NEBL: variants seen among roughly 807,000 people sequenced by gnomAD.
The protein encoded by NEBL is LIM and SH3 protein 2.
A neutral mutation model predicts 140.2 loss-of-function variants in NEBL; 122 were observed. That is an observed-to-expected ratio of 0.87 (90% CI 0.75 to 1.01). NEBL has a LOEUF of 1.01. Among genes scored for constraint, NEBL ranks in the 50% least tolerant of loss-of-function variants. The pLI is 0.00. For synonymous variants in NEBL, 436 were observed against 398.9 expected (o/e 1.09, Z -1.11); for missense variants, 1,365 against 1,231.3 (o/e 1.11, Z -1.62).
chr10:20,836,911 G>A (rs1261585141), intron 13 of NEBL, among the ~76,000 whole-genome samples: 2 of 152,124 alleles, frequency 1.3e-5, no homozygotes, highest in Admixed American at 6.5e-5. Flanking sequence ...GTTGGGAGAT[G>A]CCACCAAATG....
At chr10:21,122,920 T>C (rs45581434) in intron 2 of NEBL, among the ~76,000 whole-genome samples, 23 of 152,224 alleles carry the variant, frequency 1.5e-4, no homozygotes, top group Non-Finnish European at 2.8e-4. Flanking sequence ...TCTTCCTAAG[T>C]TCTGTAGGAT....
At chr10:21,103,712 A>G (rs1837580870) in intron 2 of NEBL, among the ~76,000 whole-genome samples, 1 of 143,404 alleles carries the variant, frequency 7.0e-6, no homozygotes, top group Admixed American at 6.8e-5. Context: ...ATATTTTGCA[A>G]ATATTTTCTC....
rs542633939 is a variant in NEBL, at chr10:20,941,144, T to C, written c.357+20528A>G. On this transcript the variant is annotated intron_variant, in intron 4 of 6. Coordinates refer to the NEBL transcript ENST00000417816. ...CAGAGACACAACAAAAAAAGGGAAT[T>C]TTAGACCAATATCCCTGATGAACAT... Among the ~76,000 whole-genome samples the C allele has an allele frequency of 5.8e-3, 888 of 152,274 alleles. 7 individuals carry two copies. The highest frequency in any genetic ancestry group is 9.5e-3 in the Non-Finnish European group (644 of 68,022).
At chr10:20,818,372 A>G (rs543762056) in intron 20 of NEBL, among the ~76,000 whole-genome samples, 14 of 152,258 alleles carry the variant, frequency 9.2e-5, no homozygotes, top group African/African-American at 2.4e-4. Context: ...ACATCTACCA[A>G]CCAGAGAAAC....
chr10:20,889,721 C>A (rs1033001455), intron 3 of NEBL, 124 bp downstream of exon 3: 4 of 705,656 alleles, frequency 5.7e-6, no homozygotes, highest in Non-Finnish European at 7.7e-6. Context: ...AATTATGTAG[C>A]TATTACTAAC....
chr10:21,140,302 A>G (rs920585103), intron 2 of NEBL, among the ~76,000 whole-genome samples: 3 of 152,236 alleles, frequency 2.0e-5, no homozygotes, highest in African/African-American at 7.2e-5. Flanking sequence ...AAACAATATT[A>G]GAATGTCTGG....
upstream of NEBL, among the ~76,000 whole-genome samples, chr10:20,897,876 T>C (rs914222384): frequency 2.0e-5 from 3 of 152,224 alleles, no homozygotes; most frequent in South Asian, 6.2e-4. Flanking sequence ...TAATTATGAC[T>C]GTTAGTATTA....
At chr10:20,874,194 C>T (rs78908479) in intron 5 of NEBL, among the ~76,000 whole-genome samples, 201 of 152,248 alleles carry the variant, frequency 1.3e-3, no homozygotes, top group African/African-American at 4.8e-3. Flanking sequence ...CCTATCTAAT[C>T]CCTTTGTAGT....
intron 3 of NEBL, among the ~76,000 whole-genome samples, chr10:21,209,674 TTC>T (rs1250934565): frequency 2.7e-5 from 4 of 147,510 alleles, no homozygotes; most frequent in African/African-American, 1.1e-4. Context: ...TTTTTTTTTT[TTC>T]TTTTTTTTAC....
At chr10:21,123,405 C>A (rs1040997624) in intron 2 of NEBL, among the ~76,000 whole-genome samples, 1 of 152,138 alleles carries the variant, frequency 6.6e-6, no homozygotes, top group African/African-American at 2.4e-5. Context: ...CATATCTGTA[C>A]AGAGAACTGC....
At chr10:21,278,231 A>T (rs1004064661) in intron 1 of NEBL, among the ~76,000 whole-genome samples, 1 of 152,176 alleles carries the variant, frequency 6.6e-6, no homozygotes, top group African/African-American at 2.4e-5. Context: ...GCTTGAGCCC[A>T]GGAGTTCAAG....
chr10:20,904,559 T>G (rs1564435734), intron 4 of NEBL, among the ~76,000 whole-genome samples: 1 of 152,168 alleles, frequency 6.6e-6, no homozygotes, highest in South Asian at 2.1e-4. Flanking sequence ...CTGTAAAAAT[T>G]TCTAGCATTT....
intron 1 of NEBL, among the ~76,000 whole-genome samples, chr10:21,270,370 T>A (rs1297741292): frequency 8.5e-5 from 4 of 47,328 alleles, no homozygotes; most frequent in Non-Finnish European, 4.2e-5. Context: ...TTTTCCATAT[T>A]TTTTTTTTTT....
At chr10:20,999,745 C>A (rs1837812978) in intron 3 of NEBL, among the ~76,000 whole-genome samples, 1 of 152,222 alleles carries the variant, frequency 6.6e-6, no homozygotes, top group African/African-American at 2.4e-5. Flanking sequence ...GCTCCATGTT[C>A]TCTTACAACC....
chr10:21,049,384 C>G (rs1834665537), intron 2 of NEBL, among the ~76,000 whole-genome samples: 1 of 152,170 alleles, frequency 6.6e-6, no homozygotes, highest in Non-Finnish European at 1.5e-5. Flanking sequence ...TTTATCAATT[C>G]ATTGTAGATT....
chr10:20,929,022 T>G (rs1834045275), intron 4 of NEBL, among the ~76,000 whole-genome samples: 1 of 152,082 alleles, frequency 6.6e-6, no homozygotes, highest in East Asian at 1.9e-4. Flanking sequence ...CACCTTTGCT[T>G]GTTCCTCCTC....
intron 1 of NEBL, among the ~76,000 whole-genome samples, chr10:21,286,253 GAA>G (rs776560316): frequency 6.6e-6 from 1 of 152,216 alleles, no homozygotes; most frequent in African/African-American, 2.4e-5. Context: ...ACTGGAGACA[GAA>G]AATACTTGCC....
rs1838661617 is a variant in NEBL, at chr10:20,815,734, CA to C, written c.2149-18del. ...GTAATAAACCTATCATTTCAGAGAA[CA>C]AAAAATAGAATACTATGAATCAATT... On this transcript the variant is annotated intron_variant, in intron 21 of 27. Transcript: ENST00000377122. The C allele has an allele frequency of 6.7e-7, 1 of 1,488,618 alleles. No individual in the cohort carries two copies. The highest frequency in any genetic ancestry group is 9.4e-7 in the Non-Finnish European group (1 of 1,066,434). The allele number at this position is 1,488,618 out of a possible 1,614,324, so 92.2% of individuals were successfully genotyped here.
intron 9 of NEBL, among the ~76,000 whole-genome samples, chr10:20,852,999 C>T (rs1842702816): frequency 6.6e-6 from 1 of 152,184 alleles, no homozygotes; most frequent in Non-Finnish European, 1.5e-5. Context: ...ATTTGTCTTG[C>T]TCTTATCTTA....
Sources: allele counts gnomAD v4.1 joint callset (sites outside exome capture counted in the v4.1 genomes callset), GRCh38; gene constraint gnomAD v4.1.1; transcripts MANE v1.5; gene names NCBI Gene and HGNC (gene_info 2026-07-23, HGNC 2026-07-21).